Variants in BAIAP2L1 observed in about 807,000 individuals in gnomAD.
The protein encoded by BAIAP2L1 is BAR/IMD domain containing adaptor protein 2 like 1, also known as BAR/IMD domain-containing adapter protein 2-like 1.
Under a neutral mutation model 66.3 loss-of-function variants are expected in BAIAP2L1, and 35 were observed. The observed-to-expected ratio is 0.53, with a 90% CI of 0.40 to 0.70. BAIAP2L1 has a LOEUF of 0.70. BAIAP2L1 is among the 30% of genes least tolerant of loss of function. The pLI, the probability that BAIAP2L1 is intolerant of heterozygous loss-of-function variation, is 0.00. For synonymous variants in BAIAP2L1, 269 were observed against 248.7 expected, an observed-to-expected ratio of 1.08 and a Z score of -0.77; for missense variants, 622 against 656.9, an observed-to-expected ratio of 0.95 and a Z score of 0.58.
At chr7:98,384,981 G>A (rs1469571615) in intron 1 of BAIAP2L1, among the ~76,000 whole-genome samples, 2 of 152,168 alleles carry the variant, frequency 1.3e-5, no homozygotes, top group African/African-American at 4.8e-5. Context: ...TTACAGGCAT[G>A]AGCCACGGCA....
chr7:98,389,955 G>A (rs1334645507), intron 1 of BAIAP2L1, among the ~76,000 whole-genome samples: 7 of 130,564 alleles, frequency 5.4e-5, no homozygotes, highest in South Asian at 2.3e-4. Context: ...TCGCACTGTC[G>A]CCCAGGCTGG....
intron 1 of BAIAP2L1, among the ~76,000 whole-genome samples, chr7:98,383,920 G>A (rs1167450140): frequency 6.6e-6 from 1 of 152,034 alleles, no homozygotes; most frequent in Non-Finnish European, 1.5e-5. Context: ...TTGGGAGGCT[G>A]AGGCGGGCAG....
Position 98,300,054 on chromosome 7 carries a change from T to TAAAC in BAIAP2L1, c.1422+4138_1422+4141dup, listed in dbSNP as rs758987637. Among the ~76,000 whole-genome samples the TAAAC allele has an allele frequency of 9.7e-4, 148 of 152,172 alleles. 2 individuals carry two copies. The highest frequency in any genetic ancestry group is 3.4e-3 in the African/African-American group (141 of 41,518). ...AGACTCCGTCTCATAAATAAATAAATAAACAAACAAACAAATGTAAACGTC... is the reference window on the plus strand; with the variant it reads ...AGACTCCGTCTCATAAATAAATAAATAAACAAACAAACAAACAAATGTAAACGTC... On this transcript the variant is annotated intron_variant, in intron 12 of 13. Transcript: ENST00000005260.
At chr7:98,353,064 C>CTCCG (rs1264679837) in intron 3 of BAIAP2L1, among the ~76,000 whole-genome samples, 1 of 151,926 alleles carries the variant, frequency 6.6e-6, no homozygotes, top group African/African-American at 2.4e-5. Context: ...ATCCGGCAGC[C>CTCCG]TCCGTATTTT....
chr7:98,379,657 G>C (rs1802712100), intron 1 of BAIAP2L1, among the ~76,000 whole-genome samples: 1 of 152,080 alleles, frequency 6.6e-6, no homozygotes. Flanking sequence ...AAAAAATCTT[G>C]TTTAGAGACA....
chr7:98,371,825 C>T (rs966512289), intron 1 of BAIAP2L1, among the ~76,000 whole-genome samples: 7 of 150,358 alleles, frequency 4.7e-5, no homozygotes, highest in Non-Finnish European at 8.9e-5. Flanking sequence ...GACGGAGTCT[C>T]GCTCTGTCAC....
chr7:98,300,415 G>A (rs1033054859), intron 12 of BAIAP2L1, among the ~76,000 whole-genome samples: 1 of 152,244 alleles, frequency 6.6e-6, no homozygotes, highest in Non-Finnish European at 1.5e-5. Context: ...CTGGATGCGG[G>A]TGACAGTTGC....
At chr7:98,386,466 C>G in intron 1 of BAIAP2L1, 3 of 1,491,230 alleles carry the variant, frequency 2.0e-6, no homozygotes, top group Non-Finnish European at 2.7e-6. Context: ...ATTTCTTATA[C>G]TGAACATAGC....
chr7:98,306,127 T>C (rs989777610), intron 11 of BAIAP2L1, among the ~76,000 whole-genome samples: 1 of 151,916 alleles, frequency 6.6e-6, no homozygotes, highest in Admixed American at 6.6e-5. Flanking sequence ...GTAAGATAAG[T>C]GTAAGATAAG....
intron 9 of BAIAP2L1, 115 bp from the exon 10 acceptor site, chr7:98,308,011 C>T (rs570584971): frequency 2.0e-6 from 2 of 989,826 alleles, no homozygotes; most frequent in Non-Finnish European, 1.6e-6. Context: ...AATGCTCCTT[C>T]CACGGAAACT....
At chr7:98,303,463 C>T (rs1459249832) in intron 12 of BAIAP2L1, among the ~76,000 whole-genome samples, 1 of 152,238 alleles carries the variant, frequency 6.6e-6, no homozygotes, top group East Asian at 1.9e-4. Context: ...CGCTGCTCCC[C>T]ACCACGCCAT....
At chr7:98,314,611 A>G (rs1801002735) in intron 7 of BAIAP2L1, among the ~76,000 whole-genome samples, 3 of 152,210 alleles carry the variant, frequency 2.0e-5, no homozygotes, top group Admixed American at 2.0e-4. Flanking sequence ...TGATGAGGTC[A>G]TTCAGTTGAA....
At chr7:98,385,702 C>A (rs930059008) in intron 1 of BAIAP2L1, 3 of 1,077,154 alleles carry the variant, frequency 2.8e-6, no homozygotes, top group Admixed American at 2.4e-5. Flanking sequence ...GCAGGAGCCC[C>A]CACACCCAGC....
rs1309777352 is a variant in BAIAP2L1, at chr7:98,291,958, G to GC, written c.*1562dup. Reference sequence around the variant, plus strand: ...CTGAAGTGGGGAACACGGCCATGGGGCTTGTGTGGACTGAATTCTCATGTG... The same window carrying GC: ...CTGAAGTGGGGAACACGGCCATGGGGCCTTGTGTGGACTGAATTCTCATGTG... On this transcript the variant is annotated 3_prime_UTR_variant, in exon 14 of 14. Transcript: ENST00000005260. 6.5e-6 allele frequency: 1 copy of GC among 153,072 alleles called. No individual in the cohort carries two copies. The highest frequency in any genetic ancestry group is 1.5e-5 in the Non-Finnish European group (1 of 68,714). The allele number at this position is 153,072 out of a possible 1,614,324, so 9.5% of individuals were successfully genotyped here.
intron 1 of BAIAP2L1, among the ~76,000 whole-genome samples, chr7:98,377,052 C>CCTT (rs1802650163): frequency 6.6e-6 from 1 of 152,176 alleles, no homozygotes; most frequent in Non-Finnish European, 1.5e-5. Context: ...AGATATTCTG[C>CCTT]TTAAGGGCTA....
At chr7:98,390,695 G>A (rs1389024245) in intron 1 of BAIAP2L1, among the ~76,000 whole-genome samples, 1 of 151,666 alleles carries the variant, frequency 6.6e-6, no homozygotes, top group Non-Finnish European at 1.5e-5. Flanking sequence ...TTGCGCCACT[G>A]CACTACAGCC....
chr7:98,353,153 G>A (rs1027882599), intron 3 of BAIAP2L1, among the ~76,000 whole-genome samples: 14 of 150,986 alleles, frequency 9.3e-5, no homozygotes, highest in Non-Finnish European at 1.8e-4. Flanking sequence ...CACCAACCAG[G>A]GCACAAGCAG....
intron 1 of BAIAP2L1, among the ~76,000 whole-genome samples, chr7:98,384,846 C>T (rs1802850014): frequency 6.6e-6 from 1 of 151,862 alleles, no homozygotes; most frequent in Non-Finnish European, 1.5e-5. Flanking sequence ...TTACAGGTGC[C>T]CGCCACCACG....
In BAIAP2L1 at chr7:98,364,986, C is replaced by CAAAAAAAAAAAAAAAA. The variant is rs531177927; in HGVS notation, c.52-2570_52-2555dup. ...TGGGTGACAGAGTGAGGATATGTCT[C>CAAAAAAAAAAAAAAAA]AAAAAAAAAAAAAAAAAAAAAAAAA... On this transcript the variant is annotated intron_variant, in intron 1 of 13. Transcript: ENST00000005260. 3.2e-4 allele frequency among the ~76,000 whole-genome samples: 10 copies of CAAAAAAAAAAAAAAAA among 30,802 alleles called. 2 individuals are homozygous for CAAAAAAAAAAAAAAAA. Among genetic ancestry groups the CAAAAAAAAAAAAAAAA allele is most frequent in the Non-Finnish European group, 2.7e-4 (5 of 18,656 alleles). The allele number at this position is 30,802 out of a possible 152,430, so 20.2% of individuals were successfully genotyped here.
Sources: allele counts gnomAD v4.1 joint callset (sites outside exome capture counted in the v4.1 genomes callset), GRCh38; gene constraint gnomAD v4.1.1; transcripts MANE v1.5; gene names NCBI Gene and HGNC (gene_info 2026-07-23, HGNC 2026-07-21).